Variants in PAK3 observed in about 807,000 individuals in gnomAD.
PAK3 encodes serine/threonine-protein kinase PAK 3.
PAK3 carries 4 observed loss-of-function variants against 41.0 expected under a neutral mutation model. The observed-to-expected ratio is 0.10, with a 90% confidence interval of 0.05 to 0.22. The LOEUF (loss-of-function observed/expected upper bound fraction) is 0.22, where lower values mean the gene tolerates loss of function less well. Among genes scored for constraint, PAK3 ranks in the 10% least tolerant of loss-of-function variants. PAK3 has a pLI of 1.00. For missense variants in PAK3, 205 were observed against 409.9 expected (o/e 0.50, Z 4.32); for synonymous variants, 146 against 139.6 (o/e 1.05, Z -0.32).
chrX:111,008,920 A>G (rs1163418368), intron 1 of PAK3, among the ~76,000 whole-genome samples: 1 of 111,427 alleles, frequency 9.0e-6, no homozygotes, highest in Non-Finnish European at 1.9e-5. Flanking sequence ...AAAGACACAA[A>G]TAGGCATTTA....
At chrX:111,195,466 A>G (rs755121180) in intron 14 of PAK3, among the ~76,000 whole-genome samples, 15 of 112,068 alleles carry the variant, frequency 1.3e-4, no homozygotes, top group Non-Finnish European at 2.3e-4. Flanking sequence ...TCATGCCAGA[A>G]CTTCTGAATC....
At chrX:111,199,606 A>G (rs1280510289) in intron 16 of PAK3, among the ~76,000 whole-genome samples, 1 of 112,051 alleles carries the variant, frequency 8.9e-6, no homozygotes, top group East Asian at 2.8e-4. Flanking sequence ...ATTATCAGTA[A>G]TGATTTATTG....
intron 1 of PAK3, among the ~76,000 whole-genome samples, chrX:110,947,163 C>A (rs1176953435): frequency 9.0e-6 from 1 of 111,493 alleles, no homozygotes; most frequent in African/African-American, 3.3e-5. Flanking sequence ...TGGATCAGCA[C>A]CCATCTGGAG....
chrX:110,969,205 A>G (rs1345109642), intron 1 of PAK3, among the ~76,000 whole-genome samples: 4 of 89,639 alleles, frequency 4.5e-5, no homozygotes, highest in African/African-American at 1.7e-4. Context: ...ACATTGAGGT[A>G]TGAGATTTAG....
chrX:111,193,039 T>A (rs957817932), intron 13 of PAK3, among the ~76,000 whole-genome samples: 13 of 111,959 alleles, frequency 1.2e-4, no homozygotes, highest in African/African-American at 4.2e-4. Flanking sequence ...CAGACTTTAA[T>A]CTCAAACCTT....
chrX:111,174,549 A>G (rs1209496771), intron 11 of PAK3, among the ~76,000 whole-genome samples: 5 of 111,798 alleles, frequency 4.5e-5, no homozygotes, highest in African/African-American at 1.3e-4. Context: ...TAATATTTCT[A>G]CTCATTGTTC....
intron 1 of PAK3, among the ~76,000 whole-genome samples, chrX:110,985,357 A>G (rs760929698): frequency 6.4e-5 from 7 of 110,014 alleles, no homozygotes; most frequent in Non-Finnish European, 1.3e-4. Flanking sequence ...CCTTCCTCCT[A>G]CCTCCCTGCT....
intron 1 of PAK3, among the ~76,000 whole-genome samples, chrX:111,046,750 A>G (rs1013775220): frequency 1.8e-5 from 2 of 112,164 alleles, no homozygotes; most frequent in Non-Finnish European, 3.8e-5. Context: ...CATTCAGAAT[A>G]GTACTAGCAC....
At chrX:111,006,849 C>CTTTCTTTCTTTATTTCTT (rs1556434441) in intron 1 of PAK3, among the ~76,000 whole-genome samples, 1 of 42,726 alleles carries the variant, frequency 2.3e-5, no homozygotes, top group African/African-American at 7.5e-5. Flanking sequence ...TTCTTTCTTT[C>CTTTCTTTCTTTATTTCTT]TTTTTTTTTT....
intron 16 of PAK3, among the ~76,000 whole-genome samples, chrX:111,197,204 G>T (rs1336228200): frequency 1.8e-5 from 2 of 111,695 alleles, no homozygotes; most frequent in Non-Finnish European, 3.8e-5. Context: ...ACATTAATTT[G>T]CTTAGAATAA....
At chrX:111,210,958 A>C (rs1367583630) in intron 16 of PAK3, among the ~76,000 whole-genome samples, 1 of 111,825 alleles carries the variant, frequency 8.9e-6, no homozygotes, top group Non-Finnish European at 1.9e-5. Flanking sequence ...GTGGTTGGTC[A>C]CCATGTTTAC....
upstream of PAK3, among the ~76,000 whole-genome samples, chrX:111,094,031 T>C (rs761205848): frequency 8.1e-5 from 9 of 111,755 alleles, no homozygotes; most frequent in Middle Eastern, 4.7e-3. Flanking sequence ...TGTGATTTTT[T>C]TAGATTATTT....
intron 1 of PAK3, among the ~76,000 whole-genome samples, chrX:111,014,217 T>C (rs190069832): frequency 1.3e-3 from 141 of 112,051 alleles, no homozygotes; most frequent in African/African-American, 4.3e-3. Context: ...GATTATATTA[T>C]TCCCCTAGTC....
chrX:111,006,849 C>CTTTCTT (rs1556434441), intron 1 of PAK3, among the ~76,000 whole-genome samples: 861 of 42,656 alleles, frequency 0.02, 24 homozygotes, highest in Admixed American at 0.052. Context: ...TTCTTTCTTT[C>CTTTCTT]TTTTTTTTTT....
Position 111,123,298 on chromosome X carries a change from G to C in PAK3, c.175+20G>C. ...ATAAAAGTAAAGTATCAGTGGCCGG[G>C]CATTGAAAATGGGCTAGTTTATTCT... On this transcript the variant is annotated intron_variant, in intron 5 of 17. Transcript: ENST00000372007. The C allele has an allele frequency of 1.7e-6, 2 of 1,159,513 alleles. No individual in the cohort carries two copies. The highest frequency in any genetic ancestry group is 2.4e-6 in the Non-Finnish European group (2 of 848,018).
intron 1 of PAK3, among the ~76,000 whole-genome samples, chrX:111,077,723 GA>G (rs1213902054): frequency 9.0e-6 from 1 of 111,498 alleles, no homozygotes; most frequent in African/African-American, 3.3e-5. Flanking sequence ...AGAATATAGG[GA>G]AAAACCTCTG....
intron 1 of PAK3, among the ~76,000 whole-genome samples, chrX:111,053,208 C>T (rs973433078): frequency 1.0e-4 from 11 of 110,320 alleles, no homozygotes; most frequent in African/African-American, 3.6e-4. Context: ...TGAGCTGTGC[C>T]AGGTTGAGGA....
At chrX:111,116,966 A>G (rs747755205) in intron 4 of PAK3, among the ~76,000 whole-genome samples, 18 of 111,874 alleles carry the variant, frequency 1.6e-4, no homozygotes, top group African/African-American at 5.2e-4. Context: ...GCTTCCCTCC[A>G]TTACACACTG....
intron 7 of PAK3, 131 bp from the exon 8 acceptor site, chrX:111,152,279 G>C: frequency 2.0e-6 from 1 of 489,025 alleles, no homozygotes; most frequent in Non-Finnish European, 3.6e-6. Flanking sequence ...ATAATATCTA[G>C]TTAATACTAA....
Sources: gnomAD v4.1 joint callset for allele counts (sites outside exome capture counted in the v4.1 genomes callset) on GRCh38, gnomAD v4.1.1 for gene constraint, MANE v1.5 for transcripts, NCBI Gene and HGNC (gene_info 2026-07-23, HGNC 2026-07-21) for gene names.